APP: variants seen among roughly 807,000 people sequenced by gnomAD.
APP encodes the protein amyloid-beta precursor protein.
APP carries 31 observed loss-of-function variants against 101.4 expected under a neutral mutation model. The ratio of observed to expected loss-of-function variants is 0.31; its 90% CI spans 0.23 to 0.41. The LOEUF is 0.41. APP is among the 10% of genes least tolerant of loss of function. The probability of loss-of-function intolerance (pLI) is 1.00; values close to 1 mark genes in which losing one functional copy is unlikely to be tolerated. For missense variants in APP, 839 were observed against 1,003.7 expected, an observed-to-expected ratio of 0.84 and a Z score of 2.22; for synonymous variants, 366 against 364.4, an observed-to-expected ratio of 1.00 and a Z score of -0.05.
At chr21:25,994,323 G>A (rs1330347432) in intron 8 of APP, among the ~76,000 whole-genome samples, 2 of 152,062 alleles carry the variant, frequency 1.3e-5, no homozygotes, top group East Asian at 3.9e-4. Context: ...TATCCCAAAT[G>A]AGAAAGGGTT....
intron 13 of APP, 42 bp from the exon 14 acceptor site, chr21:25,912,004 C>CACA (rs775054397): frequency 1.4e-6 from 2 of 1,480,494 alleles, no homozygotes; most frequent in South Asian, 1.1e-5. Context: ...TAACAACAAT[C>CACA]ACAACAGCAG....
chr21:26,089,433 A>G (rs557754412), intron 3 of APP: 1 of 152,122 alleles, frequency 6.6e-6, no homozygotes, highest in East Asian at 1.9e-4. Context: ...ATGTAAGCAG[A>G]AAAAAAGCCT....
At chr21:26,141,692 T>C (rs12482910) in intron 1 of APP, among the ~76,000 whole-genome samples, 7,780 of 152,292 alleles carry the variant, frequency 0.051, 311 homozygotes, top group South Asian at 0.096. Flanking sequence ...TATACTATGT[T>C]CTCTGGGCTG....
chr21:25,945,380 C>CTTTTTTT (rs553853354), intron 13 of APP: 9,425 of 75,246 alleles, frequency 0.13, 2,628 homozygotes, highest in Admixed American at 0.17. Context: ...GCAATCCGCA[C>CTTTTTTT]TTTTTTTTTT....
chr21:25,886,329 G>C (rs993961060), intron 17 of APP, among the ~76,000 whole-genome samples: 1 of 151,992 alleles, frequency 6.6e-6, no homozygotes, highest in African/African-American at 2.4e-5. Flanking sequence ...GAAGGCAGTT[G>C]ACTATGTTTA....
At position 26,054,738 on chromosome 21, in the gene APP, G is replaced by T. The variant is rs984054036; in HGVS notation, c.356-1390C>A. 2.0e-5 allele frequency among the ~76,000 whole-genome samples: 3 copies of T among 150,748 alleles called. No individual in the cohort carries two copies. In the East Asian group the frequency reaches 5.9e-4, roughly 29 times the overall value. On this transcript the variant is annotated intron_variant, in intron 3 of 17. Coordinates refer to ENST00000346798, the MANE Select transcript of APP (RefSeq NM_000484.4). ...CAAGTAGGTCACTGTGGTCCTTCAG[G>T]CAAAACATGCAAGAATAGACATAAA...
intron 15 of APP, among the ~76,000 whole-genome samples, chr21:25,900,231 GTTA>G (rs1036969757): frequency 3.3e-5 from 5 of 151,942 alleles, no homozygotes; most frequent in African/African-American, 7.2e-5. Context: ...CTCCTTTTCT[GTTA>G]TTAAGATCTG....
chr21:25,882,322 G>A (rs942759701), intron 17 of APP, among the ~76,000 whole-genome samples: 7 of 150,078 alleles, frequency 4.7e-5, no homozygotes, highest in African/African-American at 7.4e-5. Context: ...AGAGGTTTGA[G>A]AATCAATTAA....
At chr21:25,895,935 G>A (rs555063492) in intron 16 of APP, among the ~76,000 whole-genome samples, 22 of 152,230 alleles carry the variant, frequency 1.4e-4, no homozygotes, top group African/African-American at 4.8e-4. Context: ...TCCAGTAGAG[G>A]GAGCTGATTC....
chr21:26,037,527 T>C (rs1355023319), intron 5 of APP, among the ~76,000 whole-genome samples: 2 of 152,202 alleles, frequency 1.3e-5, no homozygotes, highest in East Asian at 3.8e-4. Context: ...GAACGGTCTA[T>C]GCTTAAAATG....
At chr21:26,048,579 T>C (rs1370759077) in intron 5 of APP, among the ~76,000 whole-genome samples, 2 of 152,146 alleles carry the variant, frequency 1.3e-5, no homozygotes, top group Non-Finnish European at 1.5e-5. Flanking sequence ...AAATTTAAAA[T>C]ATACAATTTA....
intron 3 of APP, among the ~76,000 whole-genome samples, chr21:26,060,460 T>C (rs975063994): frequency 6.6e-6 from 1 of 152,176 alleles, no homozygotes; most frequent in African/African-American, 2.4e-5. Context: ...CACTAACTCT[T>C]CACTGCATAC....
At chr21:26,023,291 A>AG (rs1400633420) in intron 5 of APP, among the ~76,000 whole-genome samples, 2 of 151,468 alleles carry the variant, frequency 1.3e-5, no homozygotes, top group African/African-American at 4.9e-5. Flanking sequence ...GCACTGTGGA[A>AG]GGCTGAGGTG....
chr21:25,962,864 G>A (rs1568768708), intron 11 of APP, among the ~76,000 whole-genome samples: 1 of 152,214 alleles, frequency 6.6e-6, no homozygotes, highest in Admixed American at 6.5e-5. Flanking sequence ...CTGGAGTGCA[G>A]TGGTGCACCT....
chr21:26,107,050 G>A (rs1416014093), intron 2 of APP, among the ~76,000 whole-genome samples: 1 of 152,226 alleles, frequency 6.6e-6, no homozygotes, highest in Non-Finnish European at 1.5e-5. Flanking sequence ...CCCTGAGGGT[G>A]GCGGGGAAAG....
At chr21:25,914,386 G>A (rs2039234391) in intron 13 of APP, among the ~76,000 whole-genome samples, 1 of 151,852 alleles carries the variant, frequency 6.6e-6, no homozygotes, top group African/African-American at 2.4e-5. Context: ...AGTAGTGAGA[G>A]ATGGGGTCTT....
intron 5 of APP, among the ~76,000 whole-genome samples, chr21:26,040,870 G>A (rs1019520974): frequency 1.3e-5 from 2 of 152,114 alleles, no homozygotes; most frequent in African/African-American, 4.8e-5. Context: ...AAAAATTCAG[G>A]TGATCATGGC....
chr21:25,956,311 T>C (rs1453009309), intron 11 of APP, among the ~76,000 whole-genome samples: 1 of 152,266 alleles, frequency 6.6e-6, no homozygotes, highest in East Asian at 1.9e-4. Flanking sequence ...ACTGTATTTA[T>C]TTTACTCTGA....
chr21:25,890,054 G>T (rs372036005), intron 17 of APP, among the ~76,000 whole-genome samples: 3 of 152,288 alleles, frequency 2.0e-5, no homozygotes, highest in South Asian at 4.1e-4. Context: ...ACACTGTTTT[G>T]AGGGACATAA....
Sources: allele counts gnomAD v4.1 joint callset (sites outside exome capture counted in the v4.1 genomes callset), GRCh38; gene constraint gnomAD v4.1.1; transcripts MANE v1.5; gene names NCBI Gene and HGNC (gene_info 2026-07-23, HGNC 2026-07-21).